The following RNF169 variants were observed in gnomAD, a reference collection of about 807,000 sequenced individuals.
The protein encoded by RNF169 is E3 ubiquitin-protein ligase RNF169.
In RNF169, 24 loss-of-function variants were observed where a neutral mutation model predicts 53.9. The observed-to-expected ratio is 0.45, with a 90% CI of 0.32 to 0.63. RNF169 has a LOEUF of 0.63. Among genes scored for constraint, RNF169 ranks in the 20% least tolerant of loss-of-function variants. The pLI is 0.04. For missense variants in RNF169, 883 were observed against 906.2 expected (o/e 0.97, Z 0.33); for synonymous variants, 396 against 363.5 (o/e 1.09, Z -1.02).
intron 1 of RNF169, among the ~76,000 whole-genome samples, chr11:74,760,421 C>G (rs1163337203): frequency 6.6e-6 from 1 of 151,980 alleles, no homozygotes; most frequent in Non-Finnish European, 1.5e-5. Context: ...AATTTTGGAT[C>G]TTTCCTGCTT....
intron 1 of RNF169, among the ~76,000 whole-genome samples, chr11:74,772,864 A>T (rs1183331230): frequency 2.0e-5 from 3 of 152,206 alleles, no homozygotes; most frequent in African/African-American, 4.8e-5. Flanking sequence ...CTGGGGAGTG[A>T]TGTAAAATGT....
chr11:74,838,935 C>T lies in RNF169; in HGVS notation c.*2205C>T, dbSNP rs1565191191. ...AGACACTTATTTTTCCACTTGCCATCTTTCTCTATATCTCCAGTAATTTGA... is the reference window on the plus strand; with the variant it reads ...AGACACTTATTTTTCCACTTGCCATTTTTCTCTATATCTCCAGTAATTTGA... On this transcript the variant is annotated 3_prime_UTR_variant, in exon 6 of 6. Coordinates refer to ENST00000299563, the MANE Select transcript of RNF169 (RefSeq NM_001098638.2). 1 of 152,160 alleles carries T rather than the reference C, an allele frequency of 6.6e-6. No individual in the cohort carries two copies. The highest frequency in any genetic ancestry group is 1.5e-5 in the Non-Finnish European group (1 of 68,032). The allele number at this position is 152,160 out of a possible 1,614,324, so 9.4% of individuals were successfully genotyped here.
rs2036548188 is a variant in RNF169, at chr11:74,841,548, A to T, written c.*4818A>T. ...TTTTTTCCTCTTAAGAAAAAAATTTACTCTCTCTCCTTTGTGAGTAAATGC... is the reference window on the plus strand; with the variant it reads ...TTTTTTCCTCTTAAGAAAAAAATTTTCTCTCTCTCCTTTGTGAGTAAATGC... On this transcript the variant is annotated 3_prime_UTR_variant, in exon 6 of 6. Coordinates refer to ENST00000299563, the MANE Select transcript of RNF169 (RefSeq NM_001098638.2). The T allele has an allele frequency of 1.3e-5, 2 of 152,150 alleles. No homozygotes were observed. The highest frequency in any genetic ancestry group is 4.1e-4 in the South Asian group (2 of 4,828). The allele number at this position is 152,150 out of a possible 1,614,324, so 9.4% of individuals were successfully genotyped here.
At chr11:74,810,059 C>G in intron 2 of RNF169, 125 bp from the exon 3 acceptor site, 1 of 793,516 alleles carries the variant, frequency 1.3e-6, no homozygotes. Context: ...GGCTCTATAG[C>G]TGATAAGAAA....
chr11:74,761,735 C>G (rs538606972), intron 1 of RNF169, among the ~76,000 whole-genome samples: 1,747 of 151,922 alleles, frequency 0.011, 45 homozygotes, highest in African/African-American at 0.04. Flanking sequence ...CTGCCCTTAA[C>G]ATTTTTTCCT....
chr11:74,781,359 C>G (rs887206733), intron 1 of RNF169, among the ~76,000 whole-genome samples: 2 of 152,156 alleles, frequency 1.3e-5, no homozygotes, highest in South Asian at 2.1e-4. Flanking sequence ...GTTTTTCATA[C>G]ACAATGAATG....
At chr11:74,831,742 TCAAAACTTA>T (rs1268046381) in intron 4 of RNF169, 3 of 150,510 alleles carry the variant, frequency 2.0e-5, no homozygotes, top group Non-Finnish European at 4.4e-5. Flanking sequence ...ACTCCTGATT[TCAAAACTTA>T]CTGCAAAGTA....
Position 74,836,772 on chromosome 11 carries a change from T to A in RNF169, c.*42T>A, listed in dbSNP as rs771905810. 4.2e-6 allele frequency: 6 copies of A among 1,445,388 alleles called. No homozygotes were observed. Among genetic ancestry groups the A allele is most frequent in the East Asian group, 2.3e-5 (1 of 43,852 alleles). 89.5% of individuals were successfully genotyped at this position (1,445,388 alleles called of 1,614,324 possible). A position where few individuals can be genotyped will look rare whatever the true frequency, so the allele number is the denominator to read the frequency against. ...ACCTATTTTTAAAAGGTCTTAGGCCTTGATCATTTATCCTGAAGAGCTGAG... is the reference window on the plus strand; with the variant it reads ...ACCTATTTTTAAAAGGTCTTAGGCCATGATCATTTATCCTGAAGAGCTGAG... On this transcript the variant is annotated 3_prime_UTR_variant, in exon 6 of 6. Transcript: ENST00000299563.
At chr11:74,779,634 T>G (rs915340133) in intron 1 of RNF169, among the ~76,000 whole-genome samples, 8 of 152,110 alleles carry the variant, frequency 5.3e-5, no homozygotes, top group Non-Finnish European at 1.0e-4. Flanking sequence ...TTTTATTTTT[T>G]GGGGGGGTTC....
At position 74,749,092 on chromosome 11, in the gene RNF169, G is replaced by T; in HGVS notation, c.212G>T (p.Cys71Phe). ...CCGGAGGAATCGGGCTGCGCCGGGT[G>T]CCTGGAGCCCCCCGGAGAAGCAGCG... ...PRPEESGCAG[C>F]LEPPGEAAAL... Residue 71 changes from cysteine to phenylalanine, a missense_variant, in exon 1 of 6, where the codon TGC becomes TTC. By Grantham distance (205) the Cys-to-Phe change is radical. Transcript: ENST00000299563. 7.0e-7 allele frequency: 1 copy of T among 1,438,848 alleles called. No homozygotes were observed. The highest frequency in any genetic ancestry group is 9.1e-7 in the Non-Finnish European group (1 of 1,094,770). The allele number at this position is 1,438,848 out of a possible 1,614,324, so 89.1% of individuals were successfully genotyped here.
chr11:74,781,918 A>C (rs2135066241), intron 1 of RNF169, among the ~76,000 whole-genome samples: 1 of 152,290 alleles, frequency 6.6e-6, no homozygotes, highest in South Asian at 2.1e-4. Flanking sequence ...GTCATTATGA[A>C]GTTGAGTTAG....
intron 1 of RNF169, among the ~76,000 whole-genome samples, chr11:74,764,160 C>T (rs2035134764): frequency 6.6e-6 from 1 of 152,192 alleles, no homozygotes; most frequent in South Asian, 2.1e-4. Flanking sequence ...ATCTTTTAAC[C>T]TACAAGAGAG....
intron 1 of RNF169, among the ~76,000 whole-genome samples, chr11:74,768,410 C>T (rs950424091): frequency 4.0e-5 from 6 of 151,870 alleles, no homozygotes; most frequent in African/African-American, 1.5e-4. Context: ...AGTTTGCGAC[C>T]AGCCTGGCCA....
intron 4 of RNF169, among the ~76,000 whole-genome samples, chr11:74,820,179 T>C (rs2035991247): frequency 1.3e-5 from 2 of 152,120 alleles, no homozygotes; most frequent in South Asian, 2.1e-4. Flanking sequence ...TGATGTGATA[T>C]TGGAATACTA....
chr11:74,756,716 GAAGTGGTT>G (rs934253200), intron 1 of RNF169, among the ~76,000 whole-genome samples: 46 of 152,290 alleles, frequency 3.0e-4, no homozygotes, highest in African/African-American at 1.1e-3. Flanking sequence ...ATTGTAAACA[GAAGTGGTT>G]AGAGTATAGA....
At chr11:74,786,357 T>G (rs544961843) in intron 1 of RNF169, among the ~76,000 whole-genome samples, 9 of 151,926 alleles carry the variant, frequency 5.9e-5, no homozygotes, top group Admixed American at 2.0e-4. Context: ...CACAGCCTCC[T>G]GAGTAGCTGG....
chr11:74,838,095 T>C lies in RNF169; in HGVS notation c.*1365T>C, dbSNP rs1029230120. On this transcript the variant is annotated 3_prime_UTR_variant, in exon 6 of 6. Transcript: ENST00000299563. ...ATACTGCTTAGTTTTTCCAGTGCCA[T>C]TGGTGAAAGCATTTCTGGAACTGTC... is the stretch of plus-strand genomic sequence containing the variant. The C allele has an allele frequency of 1.3e-5, 2 of 152,206 alleles. No homozygotes were observed. Among genetic ancestry groups the C allele is most frequent in the Non-Finnish European group, 2.9e-5 (2 of 68,042 alleles). 9.4% of individuals were successfully genotyped at this position (152,206 alleles called of 1,614,324 possible).
At chr11:74,764,511 C>T (rs1414046441) in intron 1 of RNF169, among the ~76,000 whole-genome samples, 2 of 152,084 alleles carry the variant, frequency 1.3e-5, no homozygotes, top group African/African-American at 4.8e-5. Context: ...GAGCAAAACT[C>T]CATCTCAAAA....
chr11:74,811,850 C>T (rs756494683), intron 3 of RNF169, among the ~76,000 whole-genome samples: 3 of 152,102 alleles, frequency 2.0e-5, no homozygotes, highest in Non-Finnish European at 4.4e-5. Context: ...ATGATGGTCT[C>T]GTGTATGTAG....
Sources: allele counts gnomAD v4.1 joint callset (sites outside exome capture counted in the v4.1 genomes callset), GRCh38; gene constraint gnomAD v4.1.1; transcripts MANE v1.5; gene names NCBI Gene and HGNC (gene_info 2026-07-23, HGNC 2026-07-21).